The following PARP14 variants were observed in gnomAD, a reference collection of about 807,000 sequenced individuals.
PARP14 encodes poly(ADP-ribose) polymerase family member 14.
A neutral mutation model predicts 154.2 loss-of-function variants in PARP14; 59 were observed. The ratio of observed to expected loss-of-function variants is 0.38; its 90% CI spans 0.31 to 0.48. PARP14 has a LOEUF of 0.48. Among genes scored for constraint, PARP14 ranks in the 20% least tolerant of loss-of-function variants. PARP14 has a pLI of 0.98. For synonymous variants in PARP14, 720 were observed against 780.5 expected (o/e 0.92, Z 1.29); for missense variants, 1,734 against 2,131.6 (o/e 0.81, Z 3.67).
chr3:122,720,040 TG>T (rs1248406801), intron 14 of PARP14, among the ~76,000 whole-genome samples: 1 of 152,138 alleles, frequency 6.6e-6, no homozygotes, highest in East Asian at 1.9e-4. Flanking sequence ...CTGATTCAGT[TG>T]ATCTGTGGCT....
At chr3:122,682,072 A>G (rs1447555925) in intron 1 of PARP14, among the ~76,000 whole-genome samples, 1 of 152,218 alleles carries the variant, frequency 6.6e-6, no homozygotes, top group African/African-American at 2.4e-5. Context: ...GAAACAGAAA[A>G]AGAATGGCGC....
rs116479137 is a variant in PARP14, at chr3:122,717,239, T to C, written c.4001-832T>C. On this transcript the variant is annotated intron_variant, in intron 12 of 16. Transcript: ENST00000474629. ...CAATTAGCCAGGTGGGCTCTTAGTC[T>C]GTCACATCAGCTTGGCCAAGGAACT... is the stretch of plus-strand genomic sequence containing the variant. Among the ~76,000 whole-genome samples the C allele has an allele frequency of 1.2e-3, 188 of 152,340 alleles. 1 individual carries two copies. Among genetic ancestry groups the C allele is most frequent in the African/African-American group, 4.3e-3 (178 of 41,582 alleles).
rs566932617 is a variant in PARP14 at position 122,713,289 on chromosome 3, G to A, written c.3620-135G>A. On this transcript the variant is annotated intron_variant, in intron 9 of 16. Transcript: ENST00000474629. ...GATCATCACTGAGGCTGAGGAGCAG[G>A]GCCAGGTTAAAGACCAGAGGTCACA... is the stretch of plus-strand genomic sequence containing the variant. The A allele has an allele frequency of 1.1e-5, 7 of 613,840 alleles. No homozygotes were observed. In the South Asian group the frequency reaches 1.4e-4, roughly 12 times the overall value. The allele number at this position is 613,840 out of a possible 1,614,324, so 38.0% of individuals were successfully genotyped here. A position where few individuals can be genotyped will look rare whatever the true frequency, so the allele number is the denominator to read the frequency against.
rs554802234 is a variant in PARP14 at position 122,689,924 on chromosome 3, CTGT to C, written c.356-2375_356-2373del. On this transcript the variant is annotated intron_variant, in intron 3 of 16. Transcript: ENST00000474629. ...CTTTTGAGCCACATCAGTCAAATCACTGTTTTCTAAATTGTCTGATGCAGTTGC... is the reference window on the plus strand; with the variant it reads ...CTTTTGAGCCACATCAGTCAAATCACTTTCTAAATTGTCTGATGCAGTTGC... Among the ~76,000 whole-genome samples, 204 of 152,328 alleles carry C rather than the reference CTGT, an allele frequency of 1.3e-3. 1 individual carries two copies. The highest frequency in any genetic ancestry group is 2.4e-3 in the Non-Finnish European group (165 of 68,028).
intron 1 of PARP14, among the ~76,000 whole-genome samples, chr3:122,684,107 G>T (rs555269604): frequency 6.6e-6 from 1 of 152,174 alleles, no homozygotes; most frequent in Non-Finnish European, 1.5e-5. Flanking sequence ...TTCACAGAGG[G>T]TTGAGGTGGG....
intron 12 of PARP14, among the ~76,000 whole-genome samples, chr3:122,714,728 C>T (rs1932940353): frequency 6.6e-6 from 1 of 152,114 alleles, no homozygotes; most frequent in Admixed American, 6.5e-5. Context: ...GAAAGGCCAT[C>T]CCTCATTCTC....
rs769063739 is a variant in PARP14 at position 122,687,130 on chromosome 3, G to A, written c.355+17G>A. 13 of 1,576,688 alleles carry A rather than the reference G, an allele frequency of 8.2e-6. No individual in the cohort carries two copies. Among genetic ancestry groups the A allele is most frequent in the Non-Finnish European group, 1.0e-5 (12 of 1,153,758 alleles). ...AAGAACCAGGTAAAATCTCAGTTGA[G>A]ATGACTCTGACATTCACCAAGCTGT... On this transcript the variant is annotated intron_variant, in intron 3 of 16. Transcript: ENST00000474629.
In PARP14 at chr3:122,720,602, T is replaced by A. The variant is rs950387507; in HGVS notation, c.4941+214T>A. On this transcript the variant is annotated intron_variant, in intron 15 of 16. Coordinates refer to ENST00000474629, the MANE Select transcript of PARP14 (RefSeq NM_017554.3). ...CAGTGATTACAATATTTGATTGTAA[T>A]ATGATAGAACACTAAAGACATATAT... 5 of 603,178 alleles carry A rather than the reference T, an allele frequency of 8.3e-6. No individual in the cohort carries two copies. In the African/African-American group the frequency reaches 9.2e-5, roughly 11 times the overall value. The allele number at this position is 603,178 out of a possible 1,614,324, so 37.4% of individuals were successfully genotyped here.
chr3:122,708,369 C>A (rs574725540), intron 9 of PARP14, 101 bp downstream of exon 9: 3 of 647,702 alleles, frequency 4.6e-6, no homozygotes, highest in South Asian at 3.7e-5. Context: ...AAAAAAAAAT[C>A]AATGAGTGAC....
intron 7 of PARP14, among the ~76,000 whole-genome samples, chr3:122,704,189 A>G (rs1234751634): frequency 1.2e-4 from 18 of 152,232 alleles, no homozygotes; most frequent in Admixed American, 1.1e-3. Flanking sequence ...ATTGTGCTCA[A>G]TAATTATTGG....
At chr3:122,713,835 TA>T in intron 10 of PARP14, 36 bp from the exon 11 acceptor site, 1 of 1,448,746 alleles carries the variant, frequency 6.9e-7, no homozygotes, top group Non-Finnish European at 9.7e-7. Flanking sequence ...AGTGGTTTTT[TA>T]CTCATGTTTG....
At chr3:122,688,725 G>C (rs1938451340) in intron 3 of PARP14, among the ~76,000 whole-genome samples, 1 of 152,176 alleles carries the variant, frequency 6.6e-6, no homozygotes, top group African/African-American at 2.4e-5. Flanking sequence ...CTGTTTCTCA[G>C]GGATGGGGAA....
chr3:122,699,135 T>C (rs534317371), intron 5 of PARP14, among the ~76,000 whole-genome samples: 6 of 152,338 alleles, frequency 3.9e-5, no homozygotes, highest in African/African-American at 1.4e-4. Flanking sequence ...TTGAGCACTT[T>C]GAGAGTATAT....
chr3:122,687,240 G>T, intron 3 of PARP14, 127 bp downstream of exon 3: 1 of 666,440 alleles, frequency 1.5e-6, no homozygotes, highest in Non-Finnish European at 2.7e-6. Flanking sequence ...GCTGGGAGCT[G>T]CCTTGGACTG....
intron 15 of PARP14, among the ~76,000 whole-genome samples, chr3:122,725,995 T>C (rs2107656718): frequency 6.6e-6 from 1 of 152,340 alleles, no homozygotes; most frequent in South Asian, 2.1e-4. Context: ...TGAACTGTAA[T>C]GTAAATTAGT....
intron 14 of PARP14, among the ~76,000 whole-genome samples, chr3:122,719,453 A>G (rs1933102349): frequency 6.6e-6 from 1 of 152,202 alleles, no homozygotes; most frequent in African/African-American, 2.4e-5. Flanking sequence ...CTCTGCCAAG[A>G]GCAAAAGGTT....
At chr3:122,683,589 C>T (rs1465190303) in intron 1 of PARP14, among the ~76,000 whole-genome samples, 1 of 152,156 alleles carries the variant, frequency 6.6e-6, no homozygotes, top group African/African-American at 2.4e-5. Flanking sequence ...CCCATCTTCT[C>T]CTTAAATAAA....
In PARP14 at chr3:122,699,913, A is replaced by G. The variant is rs1938898629; in HGVS notation, c.1359A>G (p.Ile453Met). The part of the protein sequence containing the change: ...QSIEVQVREL[I>M]ESTTQKIKRE... ...TTGAGGTACAAGTCAGGGAGTTAAT[A>G]GAAAGCACTACTCAAAAAATTAAAA... is the stretch of plus-strand genomic sequence containing the variant. The change falls in exon 6 of 17, where the codon ATA (isoleucine) becomes ATG (methionine). Residue 453 changes from isoleucine (I) to methionine (M), a missense_variant. Physicochemically the swap from Ile to Met is conservative, Grantham distance 10. Coordinates refer to ENST00000474629, the MANE Select transcript of PARP14 (RefSeq NM_017554.3). 4 of 1,614,016 alleles carry G rather than the reference A, an allele frequency of 2.5e-6. No individual in the cohort carries two copies. The highest frequency in any genetic ancestry group is 3.4e-6 in the Non-Finnish European group (4 of 1,179,864).
intron 12 of PARP14, among the ~76,000 whole-genome samples, chr3:122,717,461 C>T (rs954859703): frequency 6.6e-6 from 1 of 152,166 alleles, no homozygotes; most frequent in African/African-American, 2.4e-5. Context: ...TAAAATCTCA[C>T]TGAGTGTGGA....
Sources: gnomAD v4.1 joint callset for allele counts (sites outside exome capture counted in the v4.1 genomes callset) on GRCh38, gnomAD v4.1.1 for gene constraint, MANE v1.5 for transcripts, NCBI Gene and HGNC (gene_info 2026-07-23, HGNC 2026-07-21) for gene names.